Variants in LINGO2 observed in about 807,000 individuals in gnomAD.
The protein encoded by LINGO2 is leucine-rich repeat and immunoglobulin-like domain-containing nogo receptor-interacting protein 2.
A neutral mutation model predicts 30.6 loss-of-function variants in LINGO2; 14 were observed. The observed-to-expected ratio is 0.46, with a 90% CI of 0.30 to 0.72. The LOEUF is 0.72. LINGO2 is among the 30% of genes least tolerant of loss of function. The probability of loss-of-function intolerance (pLI) is 0.07; values close to 1 mark genes in which losing one functional copy is unlikely to be tolerated. For synonymous variants in LINGO2, 317 were observed against 288.5 expected (o/e 1.10, Z -1.00); for missense variants, 729 against 751.7 (o/e 0.97, Z 0.35).
the LINGO2 span, among the ~76,000 whole-genome samples, chr9:28,922,926 T>C: frequency 6.6e-6 from 1 of 152,180 alleles, no homozygotes; most frequent in Admixed American, 6.6e-5. Flanking sequence ...AAATGTAATA[T>C]AAATGTCTTT....
intron 1 of LINGO2, among the ~76,000 whole-genome samples, chr9:28,563,244 C>T (rs992772777): frequency 6.6e-6 from 1 of 152,028 alleles, no homozygotes; most frequent in South Asian, 2.1e-4. Flanking sequence ...AAGGGAAGAG[C>T]CAGGAATTAA....
chr9:28,111,304 G>T (rs1047629859), intron 4 of LINGO2, among the ~76,000 whole-genome samples: 1 of 151,860 alleles, frequency 6.6e-6, no homozygotes, highest in Non-Finnish European at 1.5e-5. Flanking sequence ...CTAAACTCTA[G>T]ATAATGGATT....
At chr9:28,180,470 T>C (rs1044472729) in intron 4 of LINGO2, among the ~76,000 whole-genome samples, 1 of 152,014 alleles carries the variant, frequency 6.6e-6, no homozygotes, top group Non-Finnish European at 1.5e-5. Context: ...ATCACTACGG[T>C]CATTATTTGG....
the LINGO2 span, among the ~76,000 whole-genome samples, chr9:28,768,883 T>C: frequency 6.6e-6 from 1 of 152,108 alleles, no homozygotes; most frequent in Admixed American, 6.6e-5. Flanking sequence ...TCCAATGCTA[T>C]ACATATAATA....
At chr9:29,054,298 C>G in the LINGO2 span, among the ~76,000 whole-genome samples, 1 of 152,100 alleles carries the variant, frequency 6.6e-6, no homozygotes, top group Non-Finnish European at 1.5e-5. Flanking sequence ...TATCATGAAG[C>G]AGAAAAACAA....
intron 4 of LINGO2, among the ~76,000 whole-genome samples, chr9:28,180,341 T>G (rs1376847369): frequency 6.6e-6 from 1 of 152,198 alleles, no homozygotes. Context: ...TTGCTTCATG[T>G]AAAGTTTTCT....
the LINGO2 span, among the ~76,000 whole-genome samples, chr9:28,916,859 C>T: frequency 6.6e-6 from 1 of 152,168 alleles, no homozygotes; most frequent in Admixed American, 6.5e-5. Context: ...CTGTGAATAG[C>T]CCTTGTCTTC....
chr9:28,640,992 A>G (rs1297201490), intron 1 of LINGO2, among the ~76,000 whole-genome samples: 1 of 152,088 alleles, frequency 6.6e-6, no homozygotes, highest in African/African-American at 2.4e-5. Flanking sequence ...GGTGACGTAC[A>G]GATGGGGTTT....
the LINGO2 span, among the ~76,000 whole-genome samples, chr9:29,064,710 G>C: frequency 4.6e-5 from 7 of 151,882 alleles, no homozygotes; most frequent in African/African-American, 1.4e-4. Flanking sequence ...AACAATTTCA[G>C]GGTATTTTTC....
At position 28,634,495 on chromosome 9, in the gene LINGO2, T is replaced by TTTC. The variant is rs71981378; in HGVS notation, c.-365+35704_-365+35705insGAA. Among the ~76,000 whole-genome samples the TTTC allele has an allele frequency of 9.0e-3, 1,342 of 148,858 alleles. 25 individuals carry two copies. Among genetic ancestry groups the TTTC allele is most frequent in the East Asian group, 0.077 (392 of 5,096 alleles). ...TTCTTTTCTTTTTTTCTTTTTTTTT[T>TTTC]TTTTTTTTGAAATGGAGTTTCACTC... On this transcript the variant is annotated intron_variant, in intron 1 of 5. Transcript: ENST00000379992.
At chr9:28,151,984 T>A (rs1828013218) in intron 4 of LINGO2, among the ~76,000 whole-genome samples, 2 of 152,156 alleles carry the variant, frequency 1.3e-5, no homozygotes, top group Non-Finnish European at 2.9e-5. Flanking sequence ...TTAGACTGAT[T>A]TAGAAGAAAG....
chr9:27,979,113 G>A (rs1475613470), intron 5 of LINGO2, among the ~76,000 whole-genome samples: 2 of 151,976 alleles, frequency 1.3e-5, no homozygotes, highest in Non-Finnish European at 2.9e-5. Context: ...TAGAAAGTAT[G>A]CTTTACATTG....
chr9:28,242,869 A>C (rs1375537866), intron 4 of LINGO2, among the ~76,000 whole-genome samples: 3 of 152,216 alleles, frequency 2.0e-5, no homozygotes, highest in Non-Finnish European at 4.4e-5. Flanking sequence ...TATCCAGCCA[A>C]ACTAAGCTTC....
chr9:29,170,030 A>C, the LINGO2 span, among the ~76,000 whole-genome samples: 71 of 152,026 alleles, frequency 4.7e-4, no homozygotes, highest in Admixed American at 4.3e-3. Context: ...ACAACAACAA[A>C]AAACAGTATG....
chr9:28,055,159 G>A (rs11787725), intron 4 of LINGO2, among the ~76,000 whole-genome samples: 21,375 of 152,042 alleles, frequency 0.14, 2,006 homozygotes, highest in Admixed American at 0.19. Flanking sequence ...TTTTCCTTGT[G>A]GTTTATCCTT....
chr9:28,532,559 C>A (rs957623864), intron 1 of LINGO2, among the ~76,000 whole-genome samples: 5 of 152,016 alleles, frequency 3.3e-5, no homozygotes, highest in Admixed American at 1.3e-4. Context: ...CTTTTTCAAG[C>A]TAACACTCTC....
chr9:28,366,528 T>C (rs1483827985), intron 3 of LINGO2, among the ~76,000 whole-genome samples: 1 of 152,186 alleles, frequency 6.6e-6, no homozygotes, highest in Non-Finnish European at 1.5e-5. Flanking sequence ...AGCTAACACA[T>C]TTCTTAGCTC....
chr9:28,725,847 G>A, the LINGO2 span, among the ~76,000 whole-genome samples: 3 of 152,134 alleles, frequency 2.0e-5, no homozygotes, highest in East Asian at 1.9e-4. Flanking sequence ...CAAAATGTGC[G>A]TGTATGTGTG....
chr9:28,875,675 G>A, the LINGO2 span, among the ~76,000 whole-genome samples: 8 of 152,088 alleles, frequency 5.3e-5, no homozygotes, highest in Admixed American at 5.2e-4. Context: ...TTTGAGGCCT[G>A]TTACTTTTTA....
Sources: gnomAD v4.1 joint callset for allele counts (sites outside exome capture counted in the v4.1 genomes callset) on GRCh38, gnomAD v4.1.1 for gene constraint, MANE v1.5 for transcripts, NCBI Gene and HGNC (gene_info 2026-07-23, HGNC 2026-07-21) for gene names.